Variants in GABRG3 observed in about 807,000 individuals in gnomAD.
The protein encoded by GABRG3 is gamma-aminobutyric acid receptor subunit gamma-3.
A neutral mutation model predicts 48.8 loss-of-function variants in GABRG3; 25 were observed. The ratio of observed to expected loss-of-function variants is 0.51; its 90% CI spans 0.37 to 0.72. GABRG3 has a LOEUF of 0.72. GABRG3 is among the 30% of genes least tolerant of loss of function. GABRG3 has a pLI of 0.00. For synonymous variants in GABRG3, 227 were observed against 217.6 expected, an observed-to-expected ratio of 1.04 and a Z score of -0.38; for missense variants, 394 against 577.9, an observed-to-expected ratio of 0.68 and a Z score of 3.26.
At chr15:27,288,180 G>A (rs1342829851) in intron 3 of GABRG3, among the ~76,000 whole-genome samples, 1 of 152,142 alleles carries the variant, frequency 6.6e-6, no homozygotes, top group East Asian at 1.9e-4. Flanking sequence ...TGTTACATCA[G>A]TGGTCTTCAT....
At chr15:27,030,108 CA>C (rs1169991236) in intron 3 of GABRG3, among the ~76,000 whole-genome samples, 1 of 152,108 alleles carries the variant, frequency 6.6e-6, no homozygotes, top group Non-Finnish European at 1.5e-5. Context: ...AAGACTAAAA[CA>C]ATCAAAGAAT....
intron 6 of GABRG3, among the ~76,000 whole-genome samples, chr15:27,489,036 AC>A (rs1396488342): frequency 1.9e-5 from 2 of 103,308 alleles, no homozygotes; most frequent in Admixed American, 9.5e-5. Context: ...CCATCCCCCC[AC>A]CCCCCGACAG....
chr15:27,124,327 C>T (rs1897781296), intron 3 of GABRG3, among the ~76,000 whole-genome samples: 1 of 152,162 alleles, frequency 6.6e-6, no homozygotes, highest in Non-Finnish European at 1.5e-5. Flanking sequence ...CTAGGATCTT[C>T]AGGGCAGCCC....
intron 3 of GABRG3, among the ~76,000 whole-genome samples, chr15:27,245,726 A>G (rs1466930974): frequency 8.0e-6 from 1 of 124,314 alleles, no homozygotes; most frequent in African/African-American, 3.5e-5. Flanking sequence ...ACAAAAAATT[A>G]GCTGGGCATG....
chr15:27,333,422 C>T lies in GABRG3; in HGVS notation c.574+4534C>T, dbSNP rs114924682. Among the ~76,000 whole-genome samples, 1,121 of 152,166 alleles carry T rather than the reference C, an allele frequency of 7.4e-3. 12 individuals are homozygous for T. Among genetic ancestry groups the T allele is most frequent in the African/African-American group, 0.026 (1,078 of 41,514 alleles). Reference sequence around the variant, plus strand: ...CGCCCGCATTCCATAACGTGGGTCCCCTTCTTCTATCTTTGGAGCCAAAAA... The same window carrying T: ...CGCCCGCATTCCATAACGTGGGTCCTCTTCTTCTATCTTTGGAGCCAAAAA... On this transcript the variant is annotated intron_variant, in intron 5 of 9. Coordinates refer to ENST00000615808, the MANE Select transcript of GABRG3 (RefSeq NM_033223.5).
At chr15:27,320,574 A>G (rs1893388381) in intron 3 of GABRG3, among the ~76,000 whole-genome samples, 2 of 152,154 alleles carry the variant, frequency 1.3e-5, no homozygotes, top group South Asian at 2.1e-4. Flanking sequence ...AACTATTTAT[A>G]ATGTAATTCT....
intron 3 of GABRG3, among the ~76,000 whole-genome samples, chr15:27,282,966 C>G (rs1017458690): frequency 1.3e-5 from 2 of 152,116 alleles, no homozygotes; most frequent in African/African-American, 4.8e-5. Context: ...CCCTTGGCTC[C>G]CTCTGACACC....
intron 5 of GABRG3, among the ~76,000 whole-genome samples, chr15:27,336,233 AGGAG>A (rs1469578465): frequency 4.6e-5 from 6 of 131,454 alleles, no homozygotes; most frequent in African/African-American, 2.3e-4. Context: ...AGAGAGAGAG[AGGAG>A]AAGAAAAGAA....
At chr15:27,189,713 G>A (rs752276813) in intron 3 of GABRG3, among the ~76,000 whole-genome samples, 30 of 152,006 alleles carry the variant, frequency 2.0e-4, no homozygotes, top group Non-Finnish European at 3.7e-4. Context: ...AATTGAATAC[G>A]CTTTATTTCC....
rs1373840867 is a variant in GABRG3, at chr15:27,352,129, A to G, written c.574+23241A>G. ...TATGTATGGTGTGTGTGTATGTATG[A>G]TGTGTGTATTGTGTGTTTGTGTATG... On this transcript the variant is annotated intron_variant, in intron 5 of 9. Coordinates refer to ENST00000615808, the MANE Select transcript of GABRG3 (RefSeq NM_033223.5). This position sits in a 1 kb window ranked among gnomAD's most constrained non-coding sequence, Gnocchi z 4.0. Among the ~76,000 whole-genome samples, 5 of 134,490 alleles carry G rather than the reference A, an allele frequency of 3.7e-5. No individual in the cohort carries two copies. Among genetic ancestry groups the G allele is most frequent in the African/African-American group, 5.6e-5 (2 of 35,440 alleles). The allele number at this position is 134,490 out of a possible 152,430, so 88.2% of individuals were successfully genotyped here.
chr15:27,141,579 G>T (rs74316881), intron 3 of GABRG3, among the ~76,000 whole-genome samples: 3,969 of 152,290 alleles, frequency 0.026, 203 homozygotes, highest in African/African-American at 0.092. Flanking sequence ...GCACCTCTGA[G>T]GTGTCCAGCT....
chr15:27,462,657 T>G (rs999215994), intron 5 of GABRG3, among the ~76,000 whole-genome samples: 1 of 152,182 alleles, frequency 6.6e-6, no homozygotes, highest in East Asian at 1.9e-4. Flanking sequence ...TCACTTGATA[T>G]AGAGGGTTTT....
chr15:27,358,982 G>A (rs935841736), intron 5 of GABRG3, among the ~76,000 whole-genome samples: 1 of 152,214 alleles, frequency 6.6e-6, no homozygotes, highest in Non-Finnish European at 1.5e-5. Flanking sequence ...GACCCGGCGG[G>A]GCGAACGCAG....
chr15:27,378,380 A>C (rs2140561749), intron 5 of GABRG3, among the ~76,000 whole-genome samples: 1 of 152,292 alleles, frequency 6.6e-6, no homozygotes, highest in East Asian at 1.9e-4. Context: ...GGGCCTTGAC[A>C]ACCTTCTCTG....
In GABRG3 at chr15:27,236,333, G is replaced by A. The variant is rs904664101; in HGVS notation, c.271-90476G>A. On this transcript the variant is annotated intron_variant, in intron 3 of 9. Transcript: ENST00000615808. The surrounding 1 kb of genome is among the most constrained non-coding windows in gnomAD (Gnocchi z 4.4). ...GCAGAGCTGAGCTTCTGAGAAATAA[G>A]CATCAAATGCTAAGGTCCCCAGCCC... Among the ~76,000 whole-genome samples the A allele has an allele frequency of 7.2e-5, 11 of 152,120 alleles. No individual in the cohort carries two copies. Among genetic ancestry groups the A allele is most frequent in the Admixed American group, 4.6e-4 (7 of 15,270 alleles).
At chr15:27,294,678 T>C (rs1319070852) in intron 3 of GABRG3, among the ~76,000 whole-genome samples, 1 of 152,100 alleles carries the variant, frequency 6.6e-6, no homozygotes, top group Non-Finnish European at 1.5e-5. Context: ...TTCCATAATC[T>C]AGCACTGTGG....
intron 3 of GABRG3, among the ~76,000 whole-genome samples, chr15:27,323,034 A>C (rs957129101): frequency 6.6e-6 from 1 of 152,114 alleles, no homozygotes; most frequent in African/African-American, 2.4e-5. Context: ...ACTGCATCTT[A>C]AAGTGCTTTA....
intron 3 of GABRG3, among the ~76,000 whole-genome samples, chr15:27,162,919 T>G (rs547795678): frequency 7.2e-5 from 11 of 151,954 alleles, no homozygotes; most frequent in Non-Finnish European, 1.6e-4. Flanking sequence ...ACTGCAGCTG[T>G]TTTTCTAAAA....
intron 3 of GABRG3, among the ~76,000 whole-genome samples, chr15:27,244,087 A>G (rs1185713081): frequency 6.6e-6 from 1 of 152,216 alleles, no homozygotes; most frequent in East Asian, 1.9e-4. Flanking sequence ...ATGGATGTGA[A>G]GACATTTAAG....
Sources: gnomAD v4.1 joint callset for allele counts (sites outside exome capture counted in the v4.1 genomes callset) on GRCh38, gnomAD v4.1.1 for gene constraint, Gnocchi (gnomAD v3.1) non-coding constraint, MANE v1.5 for transcripts, NCBI Gene and HGNC (gene_info 2026-07-23, HGNC 2026-07-21) for gene names.